Variants in DENND1A observed in about 807,000 individuals in gnomAD.
DENND1A encodes the protein DENN domain containing 1A.
DENND1A carries 51 observed loss-of-function variants against 113.7 expected under a neutral mutation model. The observed-to-expected ratio is 0.45, with a 90% CI of 0.36 to 0.57. The LOEUF is 0.57. Among genes scored for constraint, DENND1A ranks in the 20% least tolerant of loss-of-function variants. The pLI, the probability that DENND1A is intolerant of heterozygous loss-of-function variation, is 0.00. For synonymous variants in DENND1A, 565 were observed against 570.8 expected, an observed-to-expected ratio of 0.99 and a Z score of 0.14; for missense variants, 1,258 against 1,395.9, an observed-to-expected ratio of 0.90 and a Z score of 1.57.
chr9:123,560,278 G>A (rs189342364), intron 12 of DENND1A, among the ~76,000 whole-genome samples: 1 of 152,332 alleles, frequency 6.6e-6, no homozygotes, highest in South Asian at 2.1e-4. Context: ...ACCAAGCACA[G>A]TGCTCAGTGC....
intron 18 of DENND1A, among the ~76,000 whole-genome samples, chr9:123,447,789 A>C (rs1458191939): frequency 1.4e-5 from 2 of 143,290 alleles, no homozygotes; most frequent in Admixed American, 6.9e-5. Context: ...GGGGAGAAGG[A>C]CAAAAAAAAA....
At chr9:123,542,486 G>C (rs4836930) in intron 13 of DENND1A, among the ~76,000 whole-genome samples, 25,462 of 151,988 alleles carry the variant, frequency 0.17, 2,226 homozygotes, top group Admixed American at 0.2. Flanking sequence ...TCTGGGATCT[G>C]GCAGTGCTGG....
At chr9:123,688,085 G>T (rs1346563559) in intron 5 of DENND1A, among the ~76,000 whole-genome samples, 1 of 152,176 alleles carries the variant, frequency 6.6e-6, no homozygotes, top group Non-Finnish European at 1.5e-5. Flanking sequence ...CCAAATGCCA[G>T]GAGCATTACA....
At chr9:123,439,601 T>C (rs2046777899) in intron 19 of DENND1A, 1 of 154,026 alleles carries the variant, frequency 6.5e-6, no homozygotes, top group Non-Finnish European at 1.5e-5. Flanking sequence ...GATTTAAAAA[T>C]AAATAACCTT....
chr9:123,904,214 C>A (rs1852317161), intron 1 of DENND1A, among the ~76,000 whole-genome samples: 1 of 152,196 alleles, frequency 6.6e-6, no homozygotes, highest in East Asian at 1.9e-4. Context: ...AAAAACCCAT[C>A]TGTACATCAC....
intron 12 of DENND1A, among the ~76,000 whole-genome samples, chr9:123,560,390 G>A (rs2057676377): frequency 6.6e-6 from 1 of 152,168 alleles, no homozygotes; most frequent in African/African-American, 2.4e-5. Flanking sequence ...AGTGAAGATG[G>A]GACTGATACC....
intron 12 of DENND1A, among the ~76,000 whole-genome samples, chr9:123,575,589 C>T (rs551740463): frequency 5.3e-5 from 8 of 152,258 alleles, no homozygotes; most frequent in Admixed American, 1.3e-4. Flanking sequence ...TAAAATTGAT[C>T]GTTTGGTTAA....
chr9:123,457,698 C>T (rs1416760177), intron 14 of DENND1A, 95 bp downstream of exon 14: 2 of 1,223,698 alleles, frequency 1.6e-6, no homozygotes, highest in Admixed American at 4.4e-5. Flanking sequence ...GGCCTGAGTC[C>T]CATCCATGCC....
At chr9:123,413,956 C>G in intron 19 of DENND1A, 1 of 988,986 alleles carries the variant, frequency 1.0e-6, no homozygotes, top group Non-Finnish European at 1.2e-6. Flanking sequence ...CACCACTCCC[C>G]ACAATACTGC....
intron 12 of DENND1A, among the ~76,000 whole-genome samples, chr9:123,576,567 C>T (rs531321395): frequency 2.6e-5 from 4 of 152,024 alleles, no homozygotes; most frequent in African/African-American, 7.2e-5. Context: ...GGGGCAGCCT[C>T]GGCTCACTGA....
At chr9:123,723,304 T>G (rs554845404) in intron 5 of DENND1A, among the ~76,000 whole-genome samples, 2 of 152,366 alleles carry the variant, frequency 1.3e-5, no homozygotes, top group South Asian at 4.1e-4. Flanking sequence ...TACAGGTTCA[T>G]AGGCAGAAGG....
chr9:123,517,141 T>C (rs1384748861), intron 13 of DENND1A, among the ~76,000 whole-genome samples: 1 of 150,886 alleles, frequency 6.6e-6, no homozygotes, highest in Non-Finnish European at 1.5e-5. Flanking sequence ...TAGTCCCAGC[T>C]ACTCGGGAGG....
intron 1 of DENND1A, among the ~76,000 whole-genome samples, chr9:123,906,005 A>C (rs1415404364): frequency 2.0e-5 from 3 of 151,834 alleles, no homozygotes; most frequent in Non-Finnish European, 4.4e-5. Context: ...ATAACAAACT[A>C]TCTCTCAGAC....
At chr9:123,583,111 C>A in intron 12 of DENND1A, 58 bp downstream of exon 12, 1 of 1,318,228 alleles carries the variant, frequency 7.6e-7, no homozygotes, top group Non-Finnish European at 1.1e-6. Context: ...CCCAAAGTCA[C>A]GTTCATTTCC....
intron 21 of DENND1A, among the ~76,000 whole-genome samples, chr9:123,395,996 T>TGTGC (rs1564413229): frequency 3.3e-5 from 5 of 151,712 alleles, no homozygotes; most frequent in South Asian, 2.1e-4. Context: ...TGTGTGTGTG[T>TGTGC]GCACGCGTGT....
At chr9:123,642,391 C>G (rs1398805867) in intron 9 of DENND1A, among the ~76,000 whole-genome samples, 1 of 152,220 alleles carries the variant, frequency 6.6e-6, no homozygotes, top group African/African-American at 2.4e-5. Context: ...GGCTGTGCTG[C>G]TTGGAAGTTT....
intron 21 of DENND1A, among the ~76,000 whole-genome samples, chr9:123,388,986 A>C (rs2042705728): frequency 6.6e-6 from 1 of 151,922 alleles, no homozygotes; most frequent in African/African-American, 2.4e-5. Context: ...GGCATGGGCT[A>C]CCTCCTCTCC....
intron 12 of DENND1A, among the ~76,000 whole-genome samples, chr9:123,576,155 A>G (rs1289274040): frequency 6.6e-6 from 1 of 152,184 alleles, no homozygotes; most frequent in African/African-American, 2.4e-5. Flanking sequence ...CTAACTTAAT[A>G]CAGTCTACCT....
At chr9:123,692,006 T>C (rs532385327) in intron 5 of DENND1A, among the ~76,000 whole-genome samples, 1 of 152,222 alleles carries the variant, frequency 6.6e-6, no homozygotes, top group South Asian at 2.1e-4. Context: ...TTGTGAGACA[T>C]GGCAGGAGAG....
Sources: allele counts gnomAD v4.1 joint callset (sites outside exome capture counted in the v4.1 genomes callset), GRCh38; gene constraint gnomAD v4.1.1; transcripts MANE v1.5; gene names NCBI Gene and HGNC (gene_info 2026-07-23, HGNC 2026-07-21).